Variants in LMF1 observed in about 807,000 individuals in gnomAD.
The protein encoded by LMF1 is lipase maturation factor 1, also known as transmembrane protein 112.
Under a neutral mutation model 60.6 loss-of-function variants are expected in LMF1, and 68 were observed. The ratio of observed to expected loss-of-function variants is 1.12; its 90% confidence interval spans 0.92 to 1.37. The LOEUF (loss-of-function observed/expected upper bound fraction) is 1.37. Ranked by LOEUF, LMF1 falls within the 40% of genes most tolerant of loss-of-function variation. The probability of loss-of-function intolerance (pLI) is 0.00; values close to 1 mark genes in which losing one functional copy is unlikely to be tolerated. For missense variants in LMF1, 948 were observed against 767.2 expected, an observed-to-expected ratio of 1.24 and a Z score of -2.78; for synonymous variants, 418 against 324.7, an observed-to-expected ratio of 1.29 and a Z score of -3.09.
intron 6 of LMF1, among the ~76,000 whole-genome samples, chr16:877,247 T>C (rs544128190): frequency 3.3e-4 from 50 of 152,344 alleles, no homozygotes; most frequent in Non-Finnish European, 4.3e-4. Flanking sequence ...GATAATACTA[T>C]GACTTTTTTT....
intron 6 of LMF1, among the ~76,000 whole-genome samples, chr16:875,922 G>A (rs922783502): frequency 4.6e-5 from 7 of 152,166 alleles, no homozygotes; most frequent in Non-Finnish European, 8.8e-5. Flanking sequence ...GGCTGAAGAC[G>A]GCTCAGGAGT....
intron 10 of LMF1, among the ~76,000 whole-genome samples, chr16:861,230 A>G (rs1596838852): frequency 6.6e-6 from 1 of 151,970 alleles, no homozygotes; most frequent in East Asian, 1.9e-4. Context: ...AGTGGTTTTA[A>G]GTGGTTCTGC....
intron 10 of LMF1, among the ~76,000 whole-genome samples, chr16:865,029 C>G (rs920473126): frequency 1.3e-5 from 2 of 152,196 alleles, no homozygotes; most frequent in African/African-American, 2.4e-5. Flanking sequence ...TTTTTCCCAA[C>G]CTGCTTTCCT....
At chr16:870,492 C>A (rs1188400557) in intron 8 of LMF1, among the ~76,000 whole-genome samples, 1 of 152,220 alleles carries the variant, frequency 6.6e-6, no homozygotes, top group Non-Finnish European at 1.5e-5. Flanking sequence ...GGCCGCAGCC[C>A]ACCTGCCTGG....
At chr16:965,835 T>C (rs1489651876) in intron 1 of LMF1, among the ~76,000 whole-genome samples, 1 of 152,118 alleles carries the variant, frequency 6.6e-6, no homozygotes, top group Non-Finnish European at 1.5e-5. Flanking sequence ...ATGCTGACAC[T>C]AAGCCCTGGT....
chr16:970,939 C>T lies in LMF1; in HGVS notation c.42G>A (p.Ser14=), dbSNP rs1220278680. ...AGTACCCAGTCTTCCGCCTCCTCAG[C>T]GACTCCGCGGGCGCCGCCATTGTTG... ...DSPTMAAPAE[S]LRRRKTGYSD... Residue 14 remains serine, a synonymous_variant, in exon 1 of 11, where the codon TCG becomes TCA. Coordinates refer to ENST00000262301, the MANE Select transcript of LMF1 (RefSeq NM_022773.4). 1.3e-6 allele frequency: 2 copies of T among 1,551,638 alleles called. No individual in the cohort carries two copies. Among genetic ancestry groups the T allele is most frequent in the East Asian group, 2.5e-5 (1 of 40,158 alleles).
At chr16:933,511 C>T (rs532789860) in intron 3 of LMF1, 156 of 162,734 alleles carry the variant, frequency 9.6e-4, no homozygotes, top group African/African-American at 3.4e-3. Context: ...GGAAAGGGGC[C>T]GAGAGCCAGA....
chr16:960,407 A>T (rs1223128348), intron 1 of LMF1, among the ~76,000 whole-genome samples: 88 of 82,080 alleles, frequency 1.1e-3, no homozygotes, highest in South Asian at 4.3e-3. Flanking sequence ...CCAGACACAG[A>T]CTCACGGTGA....
At chr16:857,576 C>CACGGGACGGG (rs2069236440) in intron 10 of LMF1, among the ~76,000 whole-genome samples, 1 of 107,088 alleles carries the variant, frequency 9.3e-6, no homozygotes, top group Non-Finnish European at 1.8e-5. Context: ...TGAGTGGTGT[C>CACGGGACGGG]TCGGGACGGG....
At chr16:978,133 C>T (rs1436619301) in intron 1 of LMF1, among the ~76,000 whole-genome samples, 3 of 147,644 alleles carry the variant, frequency 2.0e-5, no homozygotes, top group African/African-American at 5.1e-5. Flanking sequence ...ACACACCACA[C>T]CACACACATA....
chr16:927,790 C>T (rs755272431), intron 3 of LMF1, among the ~76,000 whole-genome samples: 9 of 152,180 alleles, frequency 5.9e-5, no homozygotes, highest in Non-Finnish European at 1.2e-4. Flanking sequence ...TTTTAAAGCA[C>T]GAATTTAAGA....
rs2072359446 is a variant in LMF1, at chr16:949,218, C to CAGCCAACGACAGAGTCAG, written c.503+5138_503+5139insCTGACTCTGTCGTTGGCT. Among the ~76,000 whole-genome samples, 3 of 148,962 alleles carry CAGCCAACGACAGAGTCAG rather than the reference C, an allele frequency of 2.0e-5. 1 individual carries two copies. The highest frequency in any genetic ancestry group is 2.0e-4 in the Admixed American group (3 of 14,914). ...AATGACAGTCAGCCAACGACAGAGT[C>CAGCCAACGACAGAGTCAG]AGCCAACAACAGAGTCAGAGCCAAC... On this transcript the variant is annotated intron_variant, in intron 2 of 10. Transcript: ENST00000262301.
intron 3 of LMF1, among the ~76,000 whole-genome samples, chr16:924,404 A>G (rs1379359482): frequency 1.3e-5 from 2 of 152,202 alleles, no homozygotes; most frequent in Non-Finnish European, 2.9e-5. Flanking sequence ...ATTCATGCAC[A>G]TGCCCATTTT....
intron 1 of LMF1, chr16:978,960 C>G: frequency 2.2e-6 from 1 of 453,942 alleles, no homozygotes; most frequent in Non-Finnish European, 4.4e-6. Flanking sequence ...TAAATGACAC[C>G]AAAGATGCTT....
intron 5 of LMF1, among the ~76,000 whole-genome samples, chr16:884,483 A>G (rs1303735583): frequency 6.6e-6 from 1 of 150,654 alleles, no homozygotes; most frequent in African/African-American, 2.5e-5. Context: ...AAGGTGAAAT[A>G]AAGACTTTGT....
At chr16:919,736 T>C (rs954057615) in intron 3 of LMF1, among the ~76,000 whole-genome samples, 4 of 152,012 alleles carry the variant, frequency 2.6e-5, no homozygotes, top group African/African-American at 9.7e-5. Context: ...GAAACACTGG[T>C]GTGCAGAGAG....
At position 893,015 on chromosome 16, in the gene LMF1, G is replaced by C; in HGVS notation, c.721C>G (p.His241Asp). 1 of 1,550,298 alleles carries C rather than the reference G, an allele frequency of 6.5e-7. No individual in the cohort carries two copies. The highest frequency in any genetic ancestry group is 1.2e-5 in the South Asian group (1 of 84,044). The change falls in exon 5 of 11, where the codon CAC becomes GAC. Residue 241 changes from histidine (H) to aspartate (D), a missense_variant. Transcript: ENST00000262301. ...CTGCACGGCACGCTCACCTCATAGT[G>C]GAAGTCCATGCAGGTGAGGTCTCGC... ...CWRDLTCMDF[H>D]YETQPMPNPV...
chr16:980,879 C>T (rs1288848580), intron 1 of LMF1: 1 of 152,054 alleles, frequency 6.6e-6, no homozygotes, highest in Admixed American at 6.6e-5. Context: ...CACCCAGGGC[C>T]GCCCCGCCGG....
At chr16:927,833 A>G (rs925400689) in intron 3 of LMF1, among the ~76,000 whole-genome samples, 1 of 152,238 alleles carries the variant, frequency 6.6e-6, no homozygotes, top group Non-Finnish European at 1.5e-5. Flanking sequence ...GGGAGCATTT[A>G]ATTCACAATG....
Sources: gnomAD v4.1 joint callset for allele counts (sites outside exome capture counted in the v4.1 genomes callset) on GRCh38, gnomAD v4.1.1 for gene constraint, MANE v1.5 for transcripts, NCBI Gene and HGNC (gene_info 2026-07-23, HGNC 2026-07-21) for gene names.